The following GALNT13 variants were observed in gnomAD, a reference collection of about 807,000 sequenced individuals.
The protein encoded by GALNT13 is polypeptide N-acetylgalactosaminyltransferase 13.
GALNT13 carries 28 observed loss-of-function variants against 64.2 expected under a neutral mutation model. That is an observed-to-expected ratio of 0.44 (90% CI 0.32 to 0.60). GALNT13 has a LOEUF of 0.60. Ranked by LOEUF, GALNT13 falls within the 20% of genes least tolerant of loss-of-function variation. The probability of loss-of-function intolerance (pLI) is 0.05; values close to 1 mark genes in which losing one functional copy is unlikely to be tolerated. For synonymous variants in GALNT13, 214 were observed against 224.6 expected (o/e 0.95, Z 0.42); for missense variants, 577 against 669.8 (o/e 0.86, Z 1.53).
chr2:153,782,346 G>C, the GALNT13 span, among the ~76,000 whole-genome samples: 2 of 152,044 alleles, frequency 1.3e-5, no homozygotes, highest in African/African-American at 4.8e-5. Context: ...ACACACCTGG[G>C]CTATATGGTA....
intron 9 of GALNT13, among the ~76,000 whole-genome samples, chr2:154,361,189 T>A (rs1574159088): frequency 1.3e-5 from 2 of 152,098 alleles, no homozygotes; most frequent in East Asian, 3.8e-4. Flanking sequence ...CAGAATGTGA[T>A]CAACACTGCT....
chr2:153,415,848 T>C, the GALNT13 span, among the ~76,000 whole-genome samples: 2 of 152,192 alleles, frequency 1.3e-5, no homozygotes, highest in Non-Finnish European at 2.9e-5. Flanking sequence ...TCTAAGCTAG[T>C]TTTAAAATGA....
chr2:154,382,443 T>C (rs893177044), intron 9 of GALNT13, among the ~76,000 whole-genome samples: 9 of 152,218 alleles, frequency 5.9e-5, no homozygotes, highest in African/African-American at 2.2e-4. Context: ...GTGTATCTTA[T>C]GTATGCAATA....
At chr2:153,606,413 G>T in the GALNT13 span, among the ~76,000 whole-genome samples, 2 of 152,180 alleles carry the variant, frequency 1.3e-5, no homozygotes, top group South Asian at 2.1e-4. Context: ...TGGACCACAG[G>T]CTGCATGTGG....
the GALNT13 span, among the ~76,000 whole-genome samples, chr2:153,250,189 A>G: frequency 6.6e-6 from 1 of 152,348 alleles, no homozygotes; most frequent in African/African-American, 2.4e-5. Flanking sequence ...ACAAATTTAC[A>G]AGAAAAAAAC....
chr2:153,935,219 T>A lies in GALNT13; in HGVS notation c.-104-9175T>A, dbSNP rs139984216. Among the ~76,000 whole-genome samples, 1,033 of 152,240 alleles carry A rather than the reference T, an allele frequency of 6.8e-3. 8 individuals are homozygous for A. Among genetic ancestry groups the A allele is most frequent in the African/African-American group, 0.023 (955 of 41,546 alleles). On this transcript the variant is annotated intron_variant, in intron 2 of 12. Transcript: ENST00000392825. ...CCAAACTGTGGTAGTCTAAGAACAG[T>A]GTATTATCCAGCACAACTGACACAA...
At chr2:153,878,690 T>A (rs1354677268) in intron 1 of GALNT13, among the ~76,000 whole-genome samples, 1 of 152,140 alleles carries the variant, frequency 6.6e-6, no homozygotes, top group East Asian at 1.9e-4. Context: ...CAGAACTAAT[T>A]TCTCCATCTT....
At chr2:153,396,748 G>C in the GALNT13 span, among the ~76,000 whole-genome samples, 1 of 152,054 alleles carries the variant, frequency 6.6e-6, no homozygotes, top group African/African-American at 2.4e-5. Flanking sequence ...TCTGGGTCAA[G>C]TTGCAATTTT....
the GALNT13 span, among the ~76,000 whole-genome samples, chr2:153,413,136 T>G: frequency 6.6e-6 from 1 of 151,980 alleles, no homozygotes; most frequent in East Asian, 1.9e-4. Flanking sequence ...AGTAGTGACC[T>G]TCTGTTTAAG....
intron 2 of GALNT13, among the ~76,000 whole-genome samples, chr2:153,928,253 A>G (rs547877040): frequency 6.6e-6 from 1 of 152,250 alleles, no homozygotes; most frequent in African/African-American, 2.4e-5. Flanking sequence ...ATTATTCTAC[A>G]CATTTCAAAG....
At chr2:154,118,332 T>A (rs950880502) in intron 3 of GALNT13, among the ~76,000 whole-genome samples, 26 of 150,610 alleles carry the variant, frequency 1.7e-4, no homozygotes, top group African/African-American at 6.3e-4. Context: ...TTTTTTTAAG[T>A]ATAACTATGC....
chr2:153,768,522 T>C, the GALNT13 span, among the ~76,000 whole-genome samples: 1 of 152,190 alleles, frequency 6.6e-6, no homozygotes, highest in African/African-American at 2.4e-5. Context: ...CTTGTTCCAT[T>C]GAAACGTTTA....
the GALNT13 span, among the ~76,000 whole-genome samples, chr2:153,164,017 CAAA>C: frequency 9.7e-6 from 1 of 102,680 alleles, no homozygotes; most frequent in Admixed American, 1.1e-4. Context: ...GGCTCCGTCT[CAAA>C]AAAAAAAAAA....
At chr2:153,791,722 A>C in the GALNT13 span, among the ~76,000 whole-genome samples, 3 of 152,192 alleles carry the variant, frequency 2.0e-5, no homozygotes, top group Non-Finnish European at 4.4e-5. Flanking sequence ...GTATGTCTAC[A>C]CCATGGAATA....
the GALNT13 span, among the ~76,000 whole-genome samples, chr2:153,556,470 A>G: frequency 1.3e-5 from 2 of 152,378 alleles, no homozygotes; most frequent in South Asian, 2.1e-4. Flanking sequence ...TGTTGACGAT[A>G]TAATACTTTA....
chr2:153,204,392 T>C, the GALNT13 span, among the ~76,000 whole-genome samples: 2 of 152,202 alleles, frequency 1.3e-5, no homozygotes, highest in African/African-American at 2.4e-5. Flanking sequence ...GAAGAGAGGC[T>C]TGGGCACCAA....
At chr2:153,759,090 G>T in the GALNT13 span, among the ~76,000 whole-genome samples, 2 of 151,986 alleles carry the variant, frequency 1.3e-5, no homozygotes, top group Non-Finnish European at 2.9e-5. Flanking sequence ...CTTCATTTCT[G>T]TTTCAGATTG....
At chr2:154,182,152 T>C (rs1239934256) in intron 4 of GALNT13, among the ~76,000 whole-genome samples, 1 of 152,186 alleles carries the variant, frequency 6.6e-6, no homozygotes, top group Non-Finnish European at 1.5e-5. Flanking sequence ...CAAACGCTTA[T>C]AGAGGTTAAA....
At chr2:154,233,046 A>G (rs562620126) in intron 4 of GALNT13, among the ~76,000 whole-genome samples, 1 of 151,466 alleles carries the variant, frequency 6.6e-6, no homozygotes, top group Non-Finnish European at 1.5e-5. Context: ...TCAAAAAAAA[A>G]AAAAAAAAAA....
Sources: allele counts gnomAD v4.1 joint callset (sites outside exome capture counted in the v4.1 genomes callset), GRCh38; gene constraint gnomAD v4.1.1; transcripts MANE v1.5; gene names NCBI Gene and HGNC (gene_info 2026-07-23, HGNC 2026-07-21).